Variants in FBXW10B observed in about 807,000 individuals in gnomAD.
The protein encoded by FBXW10B is F-box and WD repeat domain containing 10B, also known as F-box and WD repeat domain containing protein 10B.
At chr17:15,592,780 T>C in the FBXW10B span, among the ~76,000 whole-genome samples, 3 of 151,906 alleles carry the variant, frequency 2.0e-5, no homozygotes, top group African/African-American at 7.3e-5. Flanking sequence ...TTGCACCCAC[T>C]GCAATTCCCA....
the FBXW10B span, chr17:15,573,743 T>A: frequency 6.0e-6 from 1 of 167,030 alleles, no homozygotes; most frequent in African/African-American, 2.4e-5. Context: ...ATGGAGAAAG[T>A]GACCTTGAAT....
At chr17:15,590,052 GT>G in the FBXW10B span, among the ~76,000 whole-genome samples, 4 of 151,936 alleles carry the variant, frequency 2.6e-5, no homozygotes, top group African/African-American at 9.7e-5. Context: ...CAGCAAAGCG[GT>G]GGTGAGCAAG....
At chr17:15,607,501 C>A in the FBXW10B span, 2 of 1,385,942 alleles carry the variant, frequency 1.4e-6, no homozygotes, top group Non-Finnish European at 2.0e-6. Context: ...ACACAAAGGT[C>A]AGGGAAATCC....
chr17:15,598,001 T>A, the FBXW10B span, among the ~76,000 whole-genome samples: 1 of 152,352 alleles, frequency 6.6e-6, no homozygotes, highest in South Asian at 2.1e-4. Flanking sequence ...ATGTGCTTAA[T>A]CATTTCTGCT....
At chr17:15,565,625 A>G in the FBXW10B span, 2 of 1,614,272 alleles carry the variant, frequency 1.2e-6, no homozygotes. Context: ...TTCCTGATCC[A>G]TGCAGCTTTG....
At chr17:15,581,066 T>G in the FBXW10B span, among the ~76,000 whole-genome samples, 12 of 152,184 alleles carry the variant, frequency 7.9e-5, no homozygotes, top group Admixed American at 2.6e-4. Context: ...CTAAGCAAGT[T>G]TGACTTGAAA....
At chr17:15,596,881 A>G in the FBXW10B span, among the ~76,000 whole-genome samples, 1 of 152,266 alleles carries the variant, frequency 6.6e-6, no homozygotes, top group Admixed American at 6.5e-5. Context: ...CAGGTGGTTG[A>G]GGGAGCCCGC....
the FBXW10B span, among the ~76,000 whole-genome samples, chr17:15,594,148 G>A: frequency 6.6e-6 from 1 of 152,066 alleles, no homozygotes; most frequent in South Asian, 2.1e-4. Flanking sequence ...TAGTCATGCT[G>A]AGAATTATTT....
the FBXW10B span, among the ~76,000 whole-genome samples, chr17:15,617,802 T>G: frequency 1.3e-5 from 2 of 152,184 alleles, no homozygotes; most frequent in African/African-American, 2.4e-5. Context: ...TGGTACAGTC[T>G]TCAGAACTGT....
chr17:15,611,066 C>T, the FBXW10B span, among the ~76,000 whole-genome samples: 1 of 150,126 alleles, frequency 6.7e-6, no homozygotes, highest in Non-Finnish European at 1.5e-5. Context: ...CTCTGTCACC[C>T]AGGCTGGAGT....
the FBXW10B span, chr17:15,605,287 G>A: frequency 3.7e-5 from 59 of 1,594,700 alleles, no homozygotes; most frequent in African/African-American, 5.4e-4. Flanking sequence ...AAGAGGGCCC[G>A]GACACTCCCA....
the FBXW10B span, among the ~76,000 whole-genome samples, chr17:15,616,298 C>T: frequency 6.6e-6 from 1 of 151,836 alleles, no homozygotes; most frequent in Non-Finnish European, 1.5e-5. Context: ...CCTCAGCCTC[C>T]CAAGTAGCTG....
At chr17:15,596,120 T>A in the FBXW10B span, among the ~76,000 whole-genome samples, 2 of 152,100 alleles carry the variant, frequency 1.3e-5, no homozygotes, top group Non-Finnish European at 2.9e-5. Flanking sequence ...ACTCCTGACC[T>A]CATGATCCGC....
chr17:15,615,321 CT>C, the FBXW10B span, among the ~76,000 whole-genome samples: 75 of 88,704 alleles, frequency 8.5e-4, no homozygotes, highest in East Asian at 1.2e-3. Flanking sequence ...TATTGGCTTT[CT>C]TTTTTTTTTT....
the FBXW10B span, chr17:15,573,209 A>C: frequency 6.6e-6 from 1 of 152,240 alleles, no homozygotes; most frequent in Admixed American, 6.5e-5. Flanking sequence ...ATGTAATCCC[A>C]GAGAAGGTGC....
At chr17:15,577,663 A>G in the FBXW10B span, among the ~76,000 whole-genome samples, 1 of 152,188 alleles carries the variant, frequency 6.6e-6, no homozygotes, top group African/African-American at 2.4e-5. Context: ...CTTCACTTTG[A>G]TTCCTCTCTT....
chr17:15,613,044 G>C, the FBXW10B span, among the ~76,000 whole-genome samples: 1 of 151,996 alleles, frequency 6.6e-6, no homozygotes, highest in East Asian at 1.9e-4. Flanking sequence ...GACCAGCAAA[G>C]ATGGTCAGAC....
At chr17:15,601,170 G>T in the FBXW10B span, among the ~76,000 whole-genome samples, 5 of 150,602 alleles carry the variant, frequency 3.3e-5, no homozygotes, top group African/African-American at 9.7e-5. Flanking sequence ...AGCACTTTGG[G>T]AGGCCGAGGC....
chr17:15,575,360 G>A, the FBXW10B span, among the ~76,000 whole-genome samples: 1 of 141,696 alleles, frequency 7.1e-6, no homozygotes, highest in South Asian at 2.1e-4. Context: ...CAGCCCTGTC[G>A]CCTCATTGGT....
Sources: gnomAD v4.1 joint callset for allele counts (sites outside exome capture counted in the v4.1 genomes callset) on GRCh38, gnomAD v4.1.1 for gene constraint, MANE v1.5 for transcripts, NCBI Gene and HGNC (gene_info 2026-07-23, HGNC 2026-07-21) for gene names.